The following CHD2 variants were observed in gnomAD, a reference collection of about 807,000 sequenced individuals.
CHD2 encodes the protein ATP-dependent chromatin remodeler CHD2.
Under a neutral mutation model 243.9 loss-of-function variants are expected in CHD2, and 28 were observed. The observed-to-expected ratio is 0.11, with a 90% CI of 0.09 to 0.16. CHD2 has a LOEUF of 0.16. CHD2 is among the 10% of genes least tolerant of loss of function. CHD2 has a pLI of 1.00. For missense variants in CHD2, 1,386 were observed against 2,209.8 expected (o/e 0.63, Z 7.47); for synonymous variants, 775 against 779.0 (o/e 0.99, Z 0.09).
intron 35 of CHD2, among the ~76,000 whole-genome samples, chr15:93,009,553 G>C (rs974095680): frequency 2.0e-5 from 3 of 152,184 alleles, no homozygotes; most frequent in Non-Finnish European, 4.4e-5. Context: ...TTTTATGAGA[G>C]AAAGATAGTG....
intron 19 of CHD2, among the ~76,000 whole-genome samples, chr15:92,973,715 C>T (rs1393143400): frequency 6.6e-6 from 1 of 152,178 alleles, no homozygotes. Flanking sequence ...AGCTTTCATT[C>T]CTAGGAAATC....
chr15:92,956,751 T>A lies in CHD2; in HGVS notation c.2000+102T>A, dbSNP rs1596407247. On this transcript the variant is annotated intron_variant, in intron 16 of 38. Transcript: ENST00000394196. ...CTTAGGGAAAACAGATGGCATGGTT[T>A]GGGGAAAGCAAAGCGTCAAATGGAG... 8 of 1,139,128 alleles carry A rather than the reference T, an allele frequency of 7.0e-6. No homozygotes were observed. In the East Asian group the frequency reaches 1.7e-4, roughly 25 times the overall value. The allele number at this position is 1,139,128 out of a possible 1,614,324, so 70.6% of individuals were successfully genotyped here. A position where few individuals can be genotyped will look rare whatever the true frequency, so the allele number is the denominator to read the frequency against.
At chr15:92,948,353 A>G (rs1484862649) in intron 12 of CHD2, among the ~76,000 whole-genome samples, 1 of 152,214 alleles carries the variant, frequency 6.6e-6, no homozygotes, top group African/African-American at 2.4e-5. Context: ...TCTGAAAAAT[A>G]GGAGACTCTG....
chr15:92,917,212 A>G (rs1394638256), intron 2 of CHD2, among the ~76,000 whole-genome samples: 2 of 152,166 alleles, frequency 1.3e-5, no homozygotes, highest in Non-Finnish European at 2.9e-5. Flanking sequence ...GAAGCACAGG[A>G]CTTGAACCAA....
intron 17 of CHD2, among the ~76,000 whole-genome samples, chr15:92,969,329 A>G (rs1031203816): frequency 6.6e-6 from 1 of 152,240 alleles, no homozygotes; most frequent in African/African-American, 2.4e-5. Context: ...GAGCAGAGTT[A>G]CTTCAGGGCC....
intron 7 of CHD2, 91 bp downstream of exon 7, chr15:92,939,809 A>G (rs2053328467): frequency 7.7e-7 from 1 of 1,302,572 alleles, no homozygotes; most frequent in African/African-American, 1.5e-5. Flanking sequence ...TTGTGCACTT[A>G]ATAGATAAAA....
At chr15:92,951,445 A>G (rs1250625353) in intron 13 of CHD2, among the ~76,000 whole-genome samples, 1 of 152,150 alleles carries the variant, frequency 6.6e-6, no homozygotes, top group Admixed American at 6.5e-5. Flanking sequence ...TGCTGGGATT[A>G]CAGCCATGAG....
intron 35 of CHD2, among the ~76,000 whole-genome samples, chr15:93,011,775 T>G (rs184225851): frequency 1.6e-4 from 25 of 152,198 alleles, no homozygotes; most frequent in African/African-American, 4.8e-4. Flanking sequence ...AAAAAGCCAC[T>G]GAGAGTTTTA....
chr15:93,005,295 T>A (rs1343249998), intron 34 of CHD2, among the ~76,000 whole-genome samples: 1 of 152,032 alleles, frequency 6.6e-6, no homozygotes, highest in East Asian at 1.9e-4. Flanking sequence ...TTGAGTTGGG[T>A]TCTGAAGGAA....
chr15:92,956,888 C>T (rs1268792829), intron 16 of CHD2, among the ~76,000 whole-genome samples: 2 of 152,092 alleles, frequency 1.3e-5, no homozygotes, highest in Non-Finnish European at 2.9e-5. Context: ...AGTTAATGCA[C>T]TTGGGAAATA....
At chr15:92,953,246 C>T in intron 13 of CHD2, 111 bp from the exon 14 acceptor site, 4 of 774,030 alleles carry the variant, frequency 5.2e-6, no homozygotes, top group South Asian at 3.5e-5. Flanking sequence ...TTATGAATGA[C>T]ACCTTGCTTG....
At chr15:92,930,515 C>T (rs924162901) in intron 5 of CHD2, among the ~76,000 whole-genome samples, 6 of 152,090 alleles carry the variant, frequency 3.9e-5, no homozygotes, top group Non-Finnish European at 1.5e-5. Flanking sequence ...TCACTGCAGC[C>T]TTGGCTTGCT....
chr15:92,919,374 G>C (rs2141733967), intron 2 of CHD2, among the ~76,000 whole-genome samples: 1 of 150,678 alleles, frequency 6.6e-6, no homozygotes, highest in African/African-American at 2.4e-5. Context: ...TCTGATTCTG[G>C]TTCCAAAAAC....
chr15:92,951,321 C>T (rs548166765), intron 13 of CHD2, among the ~76,000 whole-genome samples: 30 of 152,308 alleles, frequency 2.0e-4, no homozygotes, highest in Admixed American at 1.0e-3. Flanking sequence ...CACGCACGCA[C>T]CACCATGCCT....
chr15:92,927,363 A>G, intron 4 of CHD2, 33 bp downstream of exon 4: 1 of 1,450,346 alleles, frequency 6.9e-7, no homozygotes, highest in Non-Finnish European at 9.7e-7. Context: ...GCATGCATTT[A>G]AACTCCCTAT....
At chr15:92,926,052 G>A (rs2053055207) in intron 3 of CHD2, among the ~76,000 whole-genome samples, 1 of 152,142 alleles carries the variant, frequency 6.6e-6, no homozygotes, top group South Asian at 2.1e-4. Flanking sequence ...GCTCACTGCA[G>A]CCTTGATCTT....
intron 36 of CHD2, among the ~76,000 whole-genome samples, chr15:93,013,928 CAAAAAAAA>C (rs35774813): frequency 4.2e-3 from 271 of 64,146 alleles, no homozygotes; most frequent in African/African-American, 0.018. Context: ...GACTCTGTCT[CAAAAAAAA>C]AAAAAAAAAA....
chr15:92,958,883 G>A (rs2053649387), intron 16 of CHD2, among the ~76,000 whole-genome samples: 1 of 152,188 alleles, frequency 6.6e-6, no homozygotes, highest in Non-Finnish European at 1.5e-5. Context: ...CACATTCAGG[G>A]TAGGCTACGG....
Position 92,998,360 on chromosome 15 carries a change from T to G in CHD2, c.3886-139T>G. ...GTGACTGGGAGCCATGGACATGAGA[T>G]AGGATCTGAGGCTTTATCTATATTT... On this transcript the variant is annotated intron_variant, in intron 30 of 38. Transcript: ENST00000394196. The surrounding 1 kb of genome is among the most constrained non-coding windows in gnomAD (Gnocchi z 5.1). 7.1e-7 allele frequency: 1 copy of G among 1,410,788 alleles called. No homozygotes were observed. The allele number at this position is 1,410,788 out of a possible 1,614,324, so 87.4% of individuals were successfully genotyped here. A position where few individuals can be genotyped will look rare whatever the true frequency, so the allele number is the denominator to read the frequency against.
Sources: allele counts gnomAD v4.1 joint callset (sites outside exome capture counted in the v4.1 genomes callset), GRCh38; gene constraint gnomAD v4.1.1; non-coding constraint Gnocchi (gnomAD v3.1); transcripts MANE v1.5; gene names NCBI Gene and HGNC (gene_info 2026-07-23, HGNC 2026-07-21).